Variants in ACAP2 observed in about 807,000 individuals in gnomAD.
ACAP2 encodes arf-GAP with coiled-coil, ANK repeat and PH domain-containing protein 2.
In ACAP2, 39 loss-of-function variants were observed where a neutral mutation model predicts 115.8. That is an observed-to-expected ratio of 0.34 (90% CI 0.26 to 0.44). The LOEUF (loss-of-function observed/expected upper bound fraction) is 0.44. Ranked by LOEUF, ACAP2 falls within the 20% of genes least tolerant of loss-of-function variation. The pLI, the probability that ACAP2 is intolerant of heterozygous loss-of-function variation, is 1.00. For missense variants in ACAP2, 662 were observed against 927.6 expected (o/e 0.71, Z 3.72); for synonymous variants, 289 against 315.8 (o/e 0.92, Z 0.90).
chr3:195,416,402 C>T lies in ACAP2; in HGVS notation c.54-24255G>A, dbSNP rs765154194. On this transcript the variant is annotated intron_variant, in intron 1 of 22. Transcript: ENST00000326793. ...GTTAAGAAACACAAATTTAAAATCA[C>T]GAAATACCATTTCACATCCATCAGA... Among the ~76,000 whole-genome samples the T allele has an allele frequency of 4.0e-4, 60 of 150,762 alleles. No homozygotes were observed. In the Middle Eastern group the frequency reaches 0.017, roughly 43 times the overall value.
intron 4 of ACAP2, among the ~76,000 whole-genome samples, chr3:195,370,627 C>A (rs1422834422): frequency 1.3e-5 from 2 of 152,132 alleles, no homozygotes; most frequent in Non-Finnish European, 2.9e-5. Context: ...CAGTACTATG[C>A]TGTTTTGGTT....
chr3:195,360,841 T>C (rs954028255), intron 4 of ACAP2, among the ~76,000 whole-genome samples: 9 of 151,550 alleles, frequency 5.9e-5, no homozygotes, highest in Non-Finnish European at 1.2e-4. Context: ...AAAAAAAATC[T>C]GTACTATAGA....
chr3:195,403,698 A>G (rs1040524059), intron 1 of ACAP2, among the ~76,000 whole-genome samples: 1 of 152,242 alleles, frequency 6.6e-6, no homozygotes, highest in African/African-American at 2.4e-5. Flanking sequence ...AAAAAGAAAA[A>G]TAGTTACAAT....
At chr3:195,310,136 T>C (rs1389277195) in intron 10 of ACAP2, among the ~76,000 whole-genome samples, 1 of 152,256 alleles carries the variant, frequency 6.6e-6, no homozygotes, top group African/African-American at 2.4e-5. Flanking sequence ...AATTTCTATT[T>C]TTAAAAATTA....
At chr3:195,361,452 G>T (rs1388841788) in intron 4 of ACAP2, among the ~76,000 whole-genome samples, 3 of 148,112 alleles carry the variant, frequency 2.0e-5, no homozygotes, top group Admixed American at 6.8e-5. Context: ...AAAAAGAAAA[G>T]AAACTAAAAA....
At chr3:195,357,484 C>T (rs556184882) in intron 4 of ACAP2, among the ~76,000 whole-genome samples, 105 of 152,226 alleles carry the variant, frequency 6.9e-4, no homozygotes, top group African/African-American at 2.4e-3. Context: ...TAAGAGAACA[C>T]AGCTTGCAGC....
Position 195,294,739 on chromosome 3 carries a change from G to C in ACAP2, c.1745C>G (p.Ala582Gly). Residue 582 changes from alanine (A) to glycine (G), a missense_variant, in exon 18 of 23, where the codon GCC (alanine) becomes GGC (glycine). By Grantham distance (60) the Ala-to-Gly change is moderately conservative. Transcript: ENST00000326793. ...GRESLPSTVSANSLYEPEGER... is the reference protein window; with the variant it reads ...GRESLPSTVSGNSLYEPEGER... ...CTCACCAGGCTCATATAAACTATTG[G>C]CTGACACCGTGGAGGGTAAAGATTC... 1 of 1,606,140 alleles carries C rather than the reference G, an allele frequency of 6.2e-7. No homozygotes were observed. The highest frequency in any genetic ancestry group is 8.5e-7 in the Non-Finnish European group (1 of 1,175,226).
intron 4 of ACAP2, among the ~76,000 whole-genome samples, chr3:195,373,909 A>C (rs550357086): frequency 1.3e-5 from 2 of 152,118 alleles, no homozygotes; most frequent in Non-Finnish European, 2.9e-5. Context: ...CAACAGAGCA[A>C]GACTCTGTCT....
At chr3:195,349,898 A>G in intron 4 of ACAP2, 1 of 252,942 alleles carries the variant, frequency 4.0e-6, no homozygotes, top group South Asian at 4.5e-5. Context: ...AATATCTCAT[A>G]GGATCCCATA....
In ACAP2 at chr3:195,275,339, T is replaced by TA. The variant is rs1383231746; in HGVS notation, c.*3988dup. 1 of 152,242 alleles carries TA rather than the reference T, an allele frequency of 6.6e-6. No individual in the cohort carries two copies. Among genetic ancestry groups the TA allele is most frequent in the African/African-American group, 2.4e-5 (1 of 41,470 alleles). The allele number at this position is 152,242 out of a possible 1,614,324, so 9.4% of individuals were successfully genotyped here. On this transcript the variant is annotated 3_prime_UTR_variant, in exon 23 of 23. Coordinates refer to ENST00000326793, the MANE Select transcript of ACAP2 (RefSeq NM_012287.6). ...AAAGATGTCCACAAAACCATATCTG[T>TA]AGATGTCATTTGGAAGCATCAAGAA...
chr3:195,311,826 C>G (rs1420608131), intron 10 of ACAP2, among the ~76,000 whole-genome samples: 1 of 152,104 alleles, frequency 6.6e-6, no homozygotes, highest in Non-Finnish European at 1.5e-5. Flanking sequence ...CATGAGCCAC[C>G]GCGCCCTGCC....
intron 1 of ACAP2, among the ~76,000 whole-genome samples, chr3:195,415,130 A>G (rs1475708384): frequency 6.6e-6 from 1 of 152,188 alleles, no homozygotes; most frequent in African/African-American, 2.4e-5. Context: ...ATAATAATGT[A>G]TCAATGTAGG....
chr3:195,435,252 G>A (rs992243696), intron 1 of ACAP2, among the ~76,000 whole-genome samples: 1 of 150,886 alleles, frequency 6.6e-6, no homozygotes, highest in African/African-American at 2.5e-5. Context: ...TTGGCTCACT[G>A]CAACCTCTGC....
At chr3:195,432,672 C>T (rs995944912) in intron 1 of ACAP2, among the ~76,000 whole-genome samples, 1 of 152,154 alleles carries the variant, frequency 6.6e-6, no homozygotes, top group Admixed American at 6.5e-5. Flanking sequence ...TTCTGGGTTA[C>T]TTATATTTCC....
intron 3 of ACAP2, among the ~76,000 whole-genome samples, chr3:195,381,681 A>G (rs1733947511): frequency 6.6e-6 from 1 of 152,088 alleles, no homozygotes; most frequent in African/African-American, 2.4e-5. Context: ...CAACAATGAG[A>G]AACTAGGTGA....
chr3:195,307,123 CACAGAT>C, intron 12 of ACAP2, 94 bp downstream of exon 12: 1 of 870,562 alleles, frequency 1.1e-6, no homozygotes, highest in Non-Finnish European at 1.8e-6. Flanking sequence ...TTCTCTTTAG[CACAGAT>C]ACAGACAAAT....
chr3:195,401,166 G>A (rs1712257745), intron 1 of ACAP2, among the ~76,000 whole-genome samples: 1 of 152,142 alleles, frequency 6.6e-6, no homozygotes, highest in Non-Finnish European at 1.5e-5. Context: ...AATCACAGCA[G>A]GTAGGGAACC....
At chr3:195,389,863 G>A (rs1263604085) in intron 2 of ACAP2, among the ~76,000 whole-genome samples, 1 of 152,220 alleles carries the variant, frequency 6.6e-6, no homozygotes, top group Non-Finnish European at 1.5e-5. Flanking sequence ...CGCGGATCCT[G>A]AAGTGCAGTG....
At chr3:195,377,993 C>A (rs1733667220) in intron 4 of ACAP2, among the ~76,000 whole-genome samples, 1 of 143,570 alleles carries the variant, frequency 7.0e-6, no homozygotes. Flanking sequence ...TTTAAAGCAA[C>A]ATGAGTTTTA....
Sources: allele counts gnomAD v4.1 joint callset (sites outside exome capture counted in the v4.1 genomes callset), GRCh38; gene constraint gnomAD v4.1.1; transcripts MANE v1.5; gene names NCBI Gene and HGNC (gene_info 2026-07-23, HGNC 2026-07-21).